The following ACAD9 variants were observed in gnomAD, a reference collection of about 807,000 sequenced individuals.
The protein encoded by ACAD9 is acyl-CoA dehydrogenase family member 9.
Under a neutral mutation model 70.2 loss-of-function variants are expected in ACAD9, and 53 were observed. The observed-to-expected ratio is 0.75, with a 90% CI of 0.61 to 0.95. ACAD9 has a LOEUF of 0.95. ACAD9 is among the 40% of genes least tolerant of loss of function. The pLI, the probability that ACAD9 is intolerant of heterozygous loss-of-function variation, is 0.00. For synonymous variants in ACAD9, 313 were observed against 312.1 expected (o/e 1.00, Z -0.03); for missense variants, 777 against 802.8 (o/e 0.97, Z 0.39).
At chr3:128,894,900 A>C (rs1398451241) in intron 3 of ACAD9, among the ~76,000 whole-genome samples, 1 of 132,164 alleles carries the variant, frequency 7.6e-6, no homozygotes, top group African/African-American at 3.0e-5. Flanking sequence ...TTTTTGAGAC[A>C]GAGTCTCTCT....
chr3:128,897,687 C>T lies in ACAD9; in HGVS notation c.610C>T (p.His204Tyr), dbSNP rs894140724. Residue 204 changes from histidine to tyrosine, a missense_variant, in exon 6 of 18, where the codon CAC (histidine) becomes TAC (tyrosine). Coordinates refer to ENST00000308982, the MANE Select transcript of ACAD9 (RefSeq NM_014049.5). ...SRATLSEDKK[H>Y]YILNGSKVWI... ...AGCCACACTAAGTGAAGACAAGAAG[C>T]ACTACATCCTCAATGGCTCCAAGGT... 16 of 1,613,862 alleles carry T rather than the reference C, an allele frequency of 9.9e-6. No individual in the cohort carries two copies. The highest frequency in any genetic ancestry group is 1.4e-5 in the Non-Finnish European group (16 of 1,179,866).
chr3:128,893,804 G>A (rs1427932672), intron 3 of ACAD9, 148 bp downstream of exon 3: 4 of 718,286 alleles, frequency 5.6e-6, no homozygotes, highest in Non-Finnish European at 9.9e-6. Context: ...CCTGTAGGGA[G>A]GAAGTGTTCT....
chr3:128,893,576 A>G lies in ACAD9; in HGVS notation c.266A>G (p.Gln89Arg), dbSNP rs576965227. ...GCAGTGGACTCCCGAAAAATTGACC[A>G]GGAAGGGAAAATCCCAGATGAAACT... The part of the protein sequence containing the change: ...TEEVDSRKID[Q>R]EGKIPDETLE... Residue 89 changes from glutamine to arginine, a missense_variant, in exon 3 of 18, where the codon CAG becomes CGG. Physicochemically the swap from Gln to Arg is conservative, Grantham distance 43 (BLOSUM62 1). Coordinates refer to ENST00000308982, the MANE Select transcript of ACAD9 (RefSeq NM_014049.5). The G allele has an allele frequency of 2.5e-6, 4 of 1,614,184 alleles. No homozygotes were observed. The highest frequency in any genetic ancestry group is 3.4e-6 in the Non-Finnish European group (4 of 1,180,006).
rs759711229 is a variant in ACAD9 at position 128,904,412 on chromosome 3, G to C, written c.1056G>C (p.Lys352Asn). 2.1e-5 allele frequency: 34 copies of C among 1,614,112 alleles called. No homozygotes were observed. Among genetic ancestry groups the C allele is most frequent in the Non-Finnish European group, 2.7e-5 (32 of 1,180,058 alleles). The change falls in exon 11 of 18, where the codon AAG (lysine) becomes AAC (asparagine). Residue 352 changes from lysine to asparagine, a missense_variant. By Grantham distance (94) the Lys-to-Asn change is moderately conservative. Coordinates refer to ENST00000308982, the MANE Select transcript of ACAD9 (RefSeq NM_014049.5). ...IQEKFALMAQKAYVMESMTYL... is the reference protein window; with the variant it reads ...IQEKFALMAQNAYVMESMTYL... Reference sequence around the variant, plus strand: ...AGAAATTTGCACTGATGGCTCAGAAGGCTTACGTCATGGAGAGTATGACCT... The same window carrying C: ...AGAAATTTGCACTGATGGCTCAGAACGCTTACGTCATGGAGAGTATGACCT...
rs1221568497 is a variant in ACAD9 at position 128,902,698 on chromosome 3, T to G, written c.958+70T>G. The G allele has an allele frequency of 2.7e-5, 42 of 1,536,326 alleles. No homozygotes were observed. The highest frequency in any genetic ancestry group is 3.8e-5 in the Non-Finnish European group (42 of 1,119,726). On this transcript the variant is annotated intron_variant, in intron 9 of 17. Coordinates refer to ENST00000308982, the MANE Select transcript of ACAD9 (RefSeq NM_014049.5). The surrounding 1 kb of genome is among the most constrained non-coding windows in gnomAD (Gnocchi z 4.0). ...GCCCCGGCTCCAACCCTGGAGGCTC[T>G]GCCATTCCCCCGGCCCCTTCCAGGC...
At chr3:128,901,410 C>G in intron 8 of ACAD9, 61 bp downstream of exon 8, 1 of 1,570,864 alleles carries the variant, frequency 6.4e-7, no homozygotes. Context: ...TTGTCGCCCC[C>G]AGCTTTTGCC....
chr3:128,912,449 A>ATGTT, intron 17 of ACAD9, 58 bp from the exon 18 acceptor site: 1 of 1,512,984 alleles, frequency 6.6e-7, no homozygotes, highest in Non-Finnish European at 9.2e-7. Context: ...CACTTCAGCC[A>ATGTT]TGTTTGTCTT....
In ACAD9 at chr3:128,912,529, G is replaced by A. The variant is rs1936449896; in HGVS notation, c.1788G>A (p.Glu596=). Residue 596 remains glutamate, a synonymous_variant, in exon 18 of 18, where the codon GAG becomes GAA. Transcript: ENST00000308982. ...LDKYAPENLD[E]QIKKVSQQIL... Reference sequence around the variant, plus strand: ...CAGATGCTCCAGAAAACCTAGATGAGCAGATTAAGAAAGTGTCCCAGCAGA... The same window carrying A: ...CAGATGCTCCAGAAAACCTAGATGAACAGATTAAGAAAGTGTCCCAGCAGA... 10 of 1,613,674 alleles carry A rather than the reference G, an allele frequency of 6.2e-6. No individual in the cohort carries two copies. The highest frequency in any genetic ancestry group is 8.5e-6 in the Non-Finnish European group (10 of 1,179,618).
intron 12 of ACAD9, 68 bp downstream of exon 12, chr3:128,906,317 C>A: frequency 6.3e-7 from 1 of 1,598,402 alleles, no homozygotes; most frequent in South Asian, 1.1e-5. Context: ...AGATGCTGCT[C>A]AGGGCCTCGC....
chr3:128,888,689 G>C (rs1178780128), intron 2 of ACAD9, among the ~76,000 whole-genome samples: 1 of 152,098 alleles, frequency 6.6e-6, no homozygotes, highest in Non-Finnish European at 1.5e-5. Flanking sequence ...ACATTGCTTG[G>C]TTTTTGTTTG....
intron 5 of ACAD9, among the ~76,000 whole-genome samples, chr3:128,897,405 T>C (rs1935597696): frequency 6.6e-6 from 1 of 152,148 alleles, no homozygotes; most frequent in South Asian, 2.1e-4. Flanking sequence ...CTCAATCTCT[T>C]GACCTCGTGA....
At chr3:128,909,556 GGT>G in intron 15 of ACAD9, 135 bp downstream of exon 15, 2 of 964,592 alleles carry the variant, frequency 2.1e-6, no homozygotes, top group Non-Finnish European at 3.2e-6. Context: ...GGGATGGGGT[GGT>G]GAGGTCAGGC....
chr3:128,900,148 T>C (rs978271397), intron 7 of ACAD9, among the ~76,000 whole-genome samples: 2 of 152,284 alleles, frequency 1.3e-5, no homozygotes, highest in East Asian at 1.9e-4. Flanking sequence ...CCCAGACTTG[T>C]CTTGAACTCC....
At chr3:128,880,097 A>T in intron 1 of ACAD9, 1 of 1,358,446 alleles carries the variant, frequency 7.4e-7, no homozygotes, top group Non-Finnish European at 9.9e-7. Flanking sequence ...GGGAATTCGG[A>T]AAACTCTAGG....
At chr3:128,911,508 G>A (rs1457138734) in intron 17 of ACAD9, among the ~76,000 whole-genome samples, 2 of 152,100 alleles carry the variant, frequency 1.3e-5, no homozygotes, top group Non-Finnish European at 2.9e-5. Context: ...CATGATCTTG[G>A]CTCACTGCAA....
chr3:128,910,346 G>A (rs1313938854), intron 16 of ACAD9, 197 bp downstream of exon 16: 2 of 1,470,136 alleles, frequency 1.4e-6, no homozygotes, highest in Admixed American at 4.6e-5. Flanking sequence ...GAGAGAAGAG[G>A]GGGTGAGTGA....
rs1935776560 is a variant in ACAD9 at position 128,902,700 on chromosome 3, C to T, written c.958+72C>T. ...CCCGGCTCCAACCCTGGAGGCTCTG[C>T]CATTCCCCCGGCCCCTTCCAGGCCA... On this transcript the variant is annotated intron_variant, in intron 9 of 17. Transcript: ENST00000308982. The surrounding 1 kb of genome is among the most constrained non-coding windows in gnomAD (Gnocchi z 4.0). 6.5e-7 allele frequency: 1 copy of T among 1,527,562 alleles called. No homozygotes were observed. The allele number at this position is 1,527,562 out of a possible 1,614,324, so 94.6% of individuals were successfully genotyped here. A position where few individuals can be genotyped will look rare whatever the true frequency, so the allele number is the denominator to read the frequency against.
intron 10 of ACAD9, 40 bp downstream of exon 10, chr3:128,904,172 G>A (rs1448186359): frequency 6.2e-7 from 1 of 1,606,556 alleles, no homozygotes; most frequent in African/African-American, 1.3e-5. Context: ...ATTTCACTGT[G>A]TGACATGAAC....
chr3:128,905,732 G>A lies in ACAD9; in HGVS notation c.1150-389G>A, dbSNP rs547338951. ...TAGGCCAGCCTCTTCCAGATGCTAA[G>A]CCTAGGGCTAAACATGGCAGTATGT... On this transcript the variant is annotated intron_variant, in intron 11 of 17. Coordinates refer to ENST00000308982, the MANE Select transcript of ACAD9 (RefSeq NM_014049.5). Among the ~76,000 whole-genome samples the A allele has an allele frequency of 1.1e-3, 160 of 152,326 alleles. 3 individuals carry two copies. In the South Asian group the frequency reaches 0.031, roughly 29 times the overall value.
Sources: allele counts gnomAD v4.1 joint callset (sites outside exome capture counted in the v4.1 genomes callset), GRCh38; gene constraint gnomAD v4.1.1; non-coding constraint Gnocchi (gnomAD v3.1); transcripts MANE v1.5; gene names NCBI Gene and HGNC (gene_info 2026-07-23, HGNC 2026-07-21).